PTTG1IP2: variants seen among roughly 807,000 people sequenced by gnomAD.
PTTG1IP2 encodes the protein PTTG1IP family member 2.
rs1798210034 is a variant in PTTG1IP2 at position 90,513,309 on chromosome 7, C to A, written c.*82C>A. The A allele has an allele frequency of 6.6e-6, 1 of 152,534 alleles. No individual in the cohort carries two copies. The highest frequency in any genetic ancestry group is 1.5e-5 in the Non-Finnish European group (1 of 68,022). 9.4% of individuals were successfully genotyped at this position (152,534 alleles called of 1,614,324 possible). A position where few individuals can be genotyped will look rare whatever the true frequency, so the allele number is the denominator to read the frequency against. ...TTCAGGATTTTAATCATCCTTACAGCCTCTTTGAGAATGATTGAACTTCCA... is the reference window on the plus strand; with the variant it reads ...TTCAGGATTTTAATCATCCTTACAGACTCTTTGAGAATGATTGAACTTCCA... On this transcript the variant is annotated 3_prime_UTR_variant, in exon 7 of 7. Coordinates refer to ENST00000509356, the MANE Select transcript of PTTG1IP2 (RefSeq NM_001365443.2).
At chr7:90,472,279 AACACAC>A (rs144907444) in intron 1 of PTTG1IP2, among the ~76,000 whole-genome samples, 10,301 of 137,926 alleles carry the variant, frequency 0.075, 410 homozygotes, top group Admixed American at 0.086. Context: ...ATAGCATGCA[AACACAC>A]ACACACACAC....
chr7:90,498,026 C>A (rs1050915301), intron 6 of PTTG1IP2, among the ~76,000 whole-genome samples: 1 of 150,408 alleles, frequency 6.6e-6, no homozygotes, highest in South Asian at 2.1e-4. Flanking sequence ...GATGAATGAA[C>A]CCCCCCTTTT....
At chr7:90,501,681 C>T (rs1798063157) in intron 6 of PTTG1IP2, among the ~76,000 whole-genome samples, 1 of 152,070 alleles carries the variant, frequency 6.6e-6, no homozygotes, top group Non-Finnish European at 1.5e-5. Context: ...GAAACCCCCA[C>T]AAAACTTTAC....
rs538386962 is a variant in PTTG1IP2 at position 90,495,232 on chromosome 7, A to T, written c.*50+802A>T. Among the ~76,000 whole-genome samples the T allele has an allele frequency of 1.2e-4, 18 of 152,300 alleles. No individual in the cohort carries two copies. The South Asian group carries it at 3.7e-3, about 32-fold the overall frequency. On this transcript the variant is annotated intron_variant, in intron 6 of 6. Transcript: ENST00000509356. ...TTGGTGACTTTGAGGACAAAATGAGATTTTACAGCTAAAATTTCTAGAACT... is the reference window on the plus strand; with the variant it reads ...TTGGTGACTTTGAGGACAAAATGAGTTTTTACAGCTAAAATTTCTAGAACT...
chr7:90,484,201 C>A (rs1797843327), intron 2 of PTTG1IP2, among the ~76,000 whole-genome samples: 1 of 151,500 alleles, frequency 6.6e-6, no homozygotes, highest in Non-Finnish European at 1.5e-5. Flanking sequence ...ATCTGCTCTC[C>A]ATTCTTTTCT....
chr7:90,499,728 C>T (rs965290478), intron 6 of PTTG1IP2, among the ~76,000 whole-genome samples: 44 of 151,930 alleles, frequency 2.9e-4, no homozygotes, highest in Admixed American at 2.1e-3. Context: ...GAACTACAGG[C>T]GCATGCAAGC....
intron 6 of PTTG1IP2, among the ~76,000 whole-genome samples, chr7:90,507,743 T>C (rs1798139897): frequency 6.6e-6 from 1 of 152,164 alleles, no homozygotes; most frequent in African/African-American, 2.4e-5. Context: ...AAAAGCTGTG[T>C]GAGATGTAAT....
At chr7:90,494,869 G>A (rs769448149) in intron 6 of PTTG1IP2, among the ~76,000 whole-genome samples, 9 of 152,128 alleles carry the variant, frequency 5.9e-5, no homozygotes, top group Non-Finnish European at 4.4e-5. Flanking sequence ...AATTAGCTGG[G>A]CATGGTTGCA....
At chr7:90,506,682 G>C (rs558263041) in intron 6 of PTTG1IP2, among the ~76,000 whole-genome samples, 21 of 152,230 alleles carry the variant, frequency 1.4e-4, no homozygotes, top group South Asian at 8.3e-4. Context: ...CAGGAGGATG[G>C]CTTGAGCTGG....
intron 6 of PTTG1IP2, among the ~76,000 whole-genome samples, chr7:90,498,116 C>T (rs1276825746): frequency 6.6e-6 from 1 of 152,048 alleles, no homozygotes; most frequent in African/African-American, 2.4e-5. Context: ...AGCTTTGCCT[C>T]CCCGGCTCAC....
At chr7:90,509,470 T>C (rs1798160813) in intron 6 of PTTG1IP2, among the ~76,000 whole-genome samples, 1 of 151,588 alleles carries the variant, frequency 6.6e-6, no homozygotes, top group Admixed American at 6.6e-5. Context: ...GCTGTTAATA[T>C]AAAGGAGGAA....
At chr7:90,477,953 C>T (rs543323215) in intron 1 of PTTG1IP2, among the ~76,000 whole-genome samples, 2 of 151,518 alleles carry the variant, frequency 1.3e-5, no homozygotes, top group Non-Finnish European at 2.9e-5. Context: ...AAAAATTAGC[C>T]GGGCGTGGTG....
chr7:90,475,610 G>T (rs1476100099), intron 1 of PTTG1IP2, among the ~76,000 whole-genome samples: 1 of 152,176 alleles, frequency 6.6e-6, no homozygotes, highest in Non-Finnish European at 1.5e-5. Flanking sequence ...TAATGTAATA[G>T]GAGTTTCAGG....
intron 2 of PTTG1IP2, among the ~76,000 whole-genome samples, chr7:90,486,358 G>T (rs1797874700): frequency 7.1e-6 from 1 of 140,256 alleles, no homozygotes; most frequent in Non-Finnish European, 1.6e-5. Flanking sequence ...TCACCGGGTT[G>T]TCATGAGTAT....
At position 90,513,259 on chromosome 7, in the gene PTTG1IP2, T is replaced by C. The variant is rs1434017496; in HGVS notation, c.*51-19T>C. ...ACTGTATTGTATTTCCAATAATGAA[T>C]GTGTCTTTTTTCTTTCAGGCTTCCT... On this transcript the variant is annotated intron_variant, in intron 6 of 6. Coordinates refer to ENST00000509356, the MANE Select transcript of PTTG1IP2 (RefSeq NM_001365443.2). 6.5e-6 allele frequency: 1 copy of C among 152,672 alleles called. No homozygotes were observed. The highest frequency in any genetic ancestry group is 1.5e-5 in the Non-Finnish European group (1 of 68,042). 9.5% of individuals were successfully genotyped at this position (152,672 alleles called of 1,614,324 possible).
chr7:90,501,761 G>A (rs1029886655), intron 6 of PTTG1IP2, among the ~76,000 whole-genome samples: 8 of 152,156 alleles, frequency 5.3e-5, no homozygotes, highest in Non-Finnish European at 7.3e-5. Flanking sequence ...AGGGTCTTCC[G>A]TTGGTGTTGA....
chr7:90,483,495 T>A (rs983801807), intron 2 of PTTG1IP2, among the ~76,000 whole-genome samples: 1 of 152,188 alleles, frequency 6.6e-6, no homozygotes, highest in Non-Finnish European at 1.5e-5. Context: ...AGCCTATTTC[T>A]GTGCATTGGC....
At chr7:90,478,165 C>T (rs1000703082) in intron 1 of PTTG1IP2, among the ~76,000 whole-genome samples, 80 of 151,624 alleles carry the variant, frequency 5.3e-4, no homozygotes, top group Admixed American at 3.7e-3. Flanking sequence ...CAGGAACTCC[C>T]TGTAGAATCT....
intron 3 of PTTG1IP2, among the ~76,000 whole-genome samples, chr7:90,488,570 A>G (rs961948746): frequency 3.9e-5 from 6 of 152,046 alleles, no homozygotes; most frequent in Non-Finnish European, 7.4e-5. Context: ...CTATTAAGAT[A>G]GTACCAGAAA....
Sources: allele counts gnomAD v4.1 joint callset (sites outside exome capture counted in the v4.1 genomes callset), GRCh38; gene constraint gnomAD v4.1.1; transcripts MANE v1.5; gene names NCBI Gene and HGNC (gene_info 2026-07-23, HGNC 2026-07-21).